The following LRRC43 variants were observed in gnomAD, a reference collection of about 807,000 sequenced individuals.
The protein encoded by LRRC43 is leucine rich repeat containing 43.
In LRRC43, 62 loss-of-function variants were observed where a neutral mutation model predicts 64.3. The observed-to-expected ratio is 0.96, with a 90% confidence interval of 0.79 to 1.19. The LOEUF (loss-of-function observed/expected upper bound fraction) is 1.19. Among genes scored for constraint, LRRC43 ranks in the 50% most tolerant of loss-of-function variants. The pLI is 0.00. For missense variants in LRRC43, 868 were observed against 845.0 expected, an observed-to-expected ratio of 1.03 and a Z score of -0.34; for synonymous variants, 422 against 382.3, an observed-to-expected ratio of 1.10 and a Z score of -1.21.
intron 7 of LRRC43, 115 bp downstream of exon 7, chr12:122,193,119 G>A (rs903759704): frequency 2.6e-5 from 29 of 1,110,862 alleles, no homozygotes; most frequent in Admixed American, 5.1e-5. Context: ...GGTGGCTCAC[G>A]TCTGTAATCC....
At position 122,200,889 on chromosome 12, in the gene LRRC43, C is replaced by T. The variant is rs759548047; in HGVS notation, c.1764C>T (p.Phe588=). ...GEPLVSTVCN[F]GVVRTLTSDR... ...CCCTGGTGTCCACCGTGTGCAACTT[C>T]GGCGTGGTCCGCACATTGACATCTG... Residue 588 remains phenylalanine (F), a synonymous_variant, in exon 10 of 12, where the codon TTC becomes TTT. Coordinates refer to ENST00000339777, the MANE Select transcript of LRRC43 (RefSeq NM_001098519.2). The surrounding 1 kb of genome is among the most constrained non-coding windows in gnomAD (Gnocchi z 4.6). 31 of 1,611,862 alleles carry T rather than the reference C, an allele frequency of 1.9e-5. No individual in the cohort carries two copies. Among genetic ancestry groups the T allele is most frequent in the East Asian group, 1.8e-4 (8 of 44,892 alleles).
chr12:122,175,953 G>A (rs527727119), intron 1 of LRRC43, among the ~76,000 whole-genome samples: 4 of 152,200 alleles, frequency 2.6e-5, no homozygotes, highest in East Asian at 1.9e-4. Flanking sequence ...AGGCATGAGC[G>A]ACTGCACCCG....
chr12:122,200,995 G>T lies in LRRC43; in HGVS notation c.1809+61G>T, dbSNP rs940356055. On this transcript the variant is annotated intron_variant, in intron 10 of 11. Coordinates refer to ENST00000339777, the MANE Select transcript of LRRC43 (RefSeq NM_001098519.2). The surrounding 1 kb of genome is among the most constrained non-coding windows in gnomAD (Gnocchi z 4.6). ...CCTTCGCCCTCCCCATGGGAACCCC[G>T]CGGGCAAGCAAGGGCTGTGGGCCCA... 6.6e-7 allele frequency: 1 copy of T among 1,522,366 alleles called. No individual in the cohort carries two copies. Among genetic ancestry groups the T allele is most frequent in the South Asian group, 1.3e-5 (1 of 76,620 alleles). The allele number at this position is 1,522,366 out of a possible 1,614,324, so 94.3% of individuals were successfully genotyped here.
intron 1 of LRRC43, chr12:122,167,818 G>GTTT (rs56346962): frequency 4.9e-5 from 7 of 143,964 alleles, no homozygotes; most frequent in Non-Finnish European, 6.1e-5. Context: ...TTTTTAAAAA[G>GTTT]TTTTTTTTTT....
chr12:122,189,615 C>T, intron 4 of LRRC43: 1 of 390,492 alleles, frequency 2.6e-6, no homozygotes, highest in South Asian at 1.9e-5. Context: ...CTCCTGGGGT[C>T]CCGCCCCAGT....
chr12:122,191,351 C>T (rs761034391), intron 5 of LRRC43, 29 bp from the exon 6 acceptor site: 28 of 1,568,864 alleles, frequency 1.8e-5, no homozygotes, highest in Non-Finnish European at 2.3e-5. Flanking sequence ...TTCCATGGGC[C>T]CCCCTGTCCT....
chr12:122,189,439 G>T, intron 4 of LRRC43: 1 of 456,688 alleles, frequency 2.2e-6, no homozygotes. Context: ...ATTGGGAGAT[G>T]CTGTGCTGAC....
At chr12:122,193,767 C>A (rs987058089) in intron 7 of LRRC43, among the ~76,000 whole-genome samples, 1 of 152,172 alleles carries the variant, frequency 6.6e-6, no homozygotes, top group Non-Finnish European at 1.5e-5. Flanking sequence ...ACCATGTTGA[C>A]CAGGCTGGTC....
intron 1 of LRRC43, among the ~76,000 whole-genome samples, chr12:122,177,917 A>C (rs988328989): frequency 1.3e-5 from 2 of 151,516 alleles, no homozygotes; most frequent in African/African-American, 2.4e-5. Flanking sequence ...GGCTCACTGC[A>C]ACCTCTGCCT....
chr12:122,190,005 CAG>C (rs1953695974), intron 4 of LRRC43, 123 bp from the exon 5 acceptor site: 3 of 806,160 alleles, frequency 3.7e-6, no homozygotes, highest in Middle Eastern at 2.6e-4. Flanking sequence ...AAGGGTAGGA[CAG>C]GGGTGCAGGC....
Position 122,184,779 on chromosome 12 carries a change from G to C in LRRC43, c.411G>C (p.Lys137Asn), listed in dbSNP as rs1291154906. 5 of 1,594,354 alleles carry C rather than the reference G, an allele frequency of 3.1e-6. No homozygotes were observed. In the South Asian group the frequency reaches 4.5e-5, roughly 14 times the overall value. The change falls in exon 2 of 12, where the codon AAG (lysine) becomes AAC (asparagine). Residue 137 changes from lysine to asparagine, a missense_variant and splice_region_variant. Lys to Asn is a moderately conservative substitution (Grantham distance 94, BLOSUM62 0). Coordinates refer to ENST00000339777, the MANE Select transcript of LRRC43 (RefSeq NM_001098519.2). This position sits in a 1 kb window ranked among gnomAD's most constrained non-coding sequence, Gnocchi z 4.0. ...YFRSLRVIDK[K>N]VTLVDKDLLK... The stretch of plus-strand genomic sequence containing the variant: ...GGTCCCTGCGGGTAATAGACAAGAA[G>C]GTCAGTGCTGGGCACGTGGTAGGTG...
At position 122,200,268 on chromosome 12, in the gene LRRC43, G is replaced by C. The variant is rs757807493; in HGVS notation, c.1429G>C (p.Asp477His). Residue 477 changes from aspartate (D) to histidine (H), a missense_variant, in exon 8 of 12, where the codon GAC becomes CAC. Transcript: ENST00000339777. This position sits in a 1 kb window ranked among gnomAD's most constrained non-coding sequence, Gnocchi z 4.6. ...CSYEMQHSLR[D>H]LVPLKAFLLA... ...TTACGAGATGCAGCACTCTCTCAGGGACCTGGTCCCACTGAAGGCCTTCCT... is the reference window on the plus strand; with the variant it reads ...TTACGAGATGCAGCACTCTCTCAGGCACCTGGTCCCACTGAAGGCCTTCCT... 68 of 1,613,780 alleles carry C rather than the reference G, an allele frequency of 4.2e-5. No individual in the cohort carries two copies. Among genetic ancestry groups the C allele is most frequent in the Non-Finnish European group, 3.3e-5 (39 of 1,180,022 alleles).
rs1953618082 is a variant in LRRC43 at position 122,184,540 on chromosome 12, C to T, written c.172C>T (p.Gln58Ter). 1 of 1,613,646 alleles carries T rather than the reference C, an allele frequency of 6.2e-7. No individual in the cohort carries two copies. Among genetic ancestry groups the T allele is most frequent in the African/African-American group, 1.3e-5 (1 of 75,040 alleles). Residue 58 changes from glutamine to a stop codon, truncating the protein, a stop_gained, in exon 2 of 12, where the codon CAA becomes TAA. Coordinates refer to ENST00000339777, the MANE Select transcript of LRRC43 (RefSeq NM_001098519.2). LOFTEE classifies it high-confidence loss of function. This position sits in a 1 kb window ranked among gnomAD's most constrained non-coding sequence, Gnocchi z 4.0. Reference sequence around the variant, plus strand: ...GCAGAATAAGTCGCGCTTTCTTCCTCAAACTTGGCGAACTTGGAGGGAGCT... The same window carrying T: ...GCAGAATAAGTCGCGCTTTCTTCCTTAAACTTGGCGAACTTGGAGGGAGCT... ...GSWNKSRFLP[Q>*]TWRTWRELVP...
intron 7 of LRRC43, among the ~76,000 whole-genome samples, chr12:122,193,380 A>G (rs956457277): frequency 1.8e-5 from 2 of 113,690 alleles, no homozygotes; most frequent in Admixed American, 8.7e-5. Context: ...ACTCCGTCTC[A>G]TAAAAAAAAA....
In LRRC43 at chr12:122,200,062, C is replaced by T. The variant is rs1047847112; in HGVS notation, c.1350-127C>T. On this transcript the variant is annotated intron_variant, in intron 7 of 11. Transcript: ENST00000339777. The surrounding 1 kb of genome is among the most constrained non-coding windows in gnomAD (Gnocchi z 4.6). Reference sequence around the variant, plus strand: ...CCTGCCTGGTGGCAGCCGGACCTCACGTCTCATGCTGTTTGTGGGCTTCGA... The same window carrying T: ...CCTGCCTGGTGGCAGCCGGACCTCATGTCTCATGCTGTTTGTGGGCTTCGA... The T allele has an allele frequency of 2.6e-5, 27 of 1,024,576 alleles. 1 individual carries two copies. In the Admixed American group the frequency reaches 4.7e-4, roughly 18 times the overall value. The allele number at this position is 1,024,576 out of a possible 1,614,324, so 63.5% of individuals were successfully genotyped here. A position where few individuals can be genotyped will look rare whatever the true frequency, so the allele number is the denominator to read the frequency against.
At chr12:122,171,327 A>T (rs1039144710) in intron 1 of LRRC43, among the ~76,000 whole-genome samples, 1 of 152,178 alleles carries the variant, frequency 6.6e-6, no homozygotes, top group Admixed American at 6.6e-5. Context: ...CCTACCTATG[A>T]AAAGAGGATG....
At chr12:122,183,491 G>C (rs1438947652) in intron 1 of LRRC43, among the ~76,000 whole-genome samples, 197 bp downstream of exon 1, 1 of 152,314 alleles carries the variant, frequency 6.6e-6, no homozygotes, top group Non-Finnish European at 1.5e-5. Context: ...AGCGGGGCCC[G>C]TCCTGAGCAC....
upstream of LRRC43, chr12:122,183,098 C>T: frequency 1.3e-6 from 2 of 1,514,228 alleles, no homozygotes; most frequent in East Asian, 2.6e-5. Flanking sequence ...GAGGCCCCTG[C>T]CCCCGCGCAC....
intron 4 of LRRC43, 149 bp downstream of exon 4, chr12:122,187,989 AAT>A (rs1429737604): frequency 2.6e-6 from 2 of 770,882 alleles, no homozygotes; most frequent in Non-Finnish European, 4.0e-6. Context: ...TATTTCTCTG[AAT>A]CCCCCTTCAG....
Sources: gnomAD v4.1 joint callset for allele counts (sites outside exome capture counted in the v4.1 genomes callset) on GRCh38, gnomAD v4.1.1 for gene constraint, Gnocchi (gnomAD v3.1) non-coding constraint, MANE v1.5 for transcripts, NCBI Gene and HGNC (gene_info 2026-07-23, HGNC 2026-07-21) for gene names.